Variants in IFFO1 observed in about 807,000 individuals in gnomAD.
IFFO1 encodes the protein non-homologous end joining factor IFFO1.
A neutral mutation model predicts 59.6 loss-of-function variants in IFFO1; 42 were observed. The observed-to-expected ratio is 0.70, with a 90% CI of 0.55 to 0.91. The LOEUF (loss-of-function observed/expected upper bound fraction) is 0.91, where lower values mean the gene tolerates loss of function less well. Ranked by LOEUF, IFFO1 falls within the 40% of genes least tolerant of loss-of-function variation. The pLI, the probability that IFFO1 is intolerant of heterozygous loss-of-function variation, is 0.00. For synonymous variants in IFFO1, 336 were observed against 342.8 expected, an observed-to-expected ratio of 0.98 and a Z score of 0.22; for missense variants, 711 against 793.2, an observed-to-expected ratio of 0.90 and a Z score of 1.24.
intron 8 of IFFO1, among the ~76,000 whole-genome samples, chr12:6,546,748 C>T (rs1030438707): frequency 1.3e-5 from 2 of 152,196 alleles, no homozygotes; most frequent in African/African-American, 4.8e-5. Flanking sequence ...CTCGGCCTCC[C>T]AAAGTGCTGG....
rs748133083 is a variant in IFFO1, at chr12:6,541,477, C to T, written c.1610+35G>A. The T allele has an allele frequency of 7.5e-6, 12 of 1,610,422 alleles. No individual in the cohort carries two copies. The highest frequency in any genetic ancestry group is 1.7e-5 in the Admixed American group (1 of 60,012). ...TCCAACCTTTCTCCCCGCTGTGTCCCCCTGGAAGGCCCCATGCCCAGGGGA... is the reference window on the plus strand; with the variant it reads ...TCCAACCTTTCTCCCCGCTGTGTCCTCCTGGAAGGCCCCATGCCCAGGGGA... On this transcript the variant is annotated intron_variant, in intron 9 of 9. Transcript: ENST00000619571. This position sits in a 1 kb window ranked among gnomAD's most constrained non-coding sequence, Gnocchi z 4.8.
rs567515403 is a variant in IFFO1 at position 6,541,457 on chromosome 12, C to A, written c.1610+55G>T. 46 of 1,603,512 alleles carry A rather than the reference C, an allele frequency of 2.9e-5. No homozygotes were observed. In the African/African-American group the frequency reaches 3.9e-4, roughly 13 times the overall value. On this transcript the variant is annotated intron_variant, in intron 9 of 9. Coordinates refer to ENST00000619571, the MANE Select transcript of IFFO1 (RefSeq NM_001193457.2). This position sits in a 1 kb window ranked among gnomAD's most constrained non-coding sequence, Gnocchi z 4.8. ...GAGGGTCTCTGGGGCTGTGTTCCAA[C>A]CTTTCTCCCCGCTGTGTCCCCCTGG...
Position 6,541,481 on chromosome 12 carries a change from G to A in IFFO1, c.1610+31C>T, listed in dbSNP as rs1946707268. ...ACCTTTCTCCCCGCTGTGTCCCCCT[G>A]GAAGGCCCCATGCCCAGGGGAGGCG... On this transcript the variant is annotated intron_variant, in intron 9 of 9. Coordinates refer to ENST00000619571, the MANE Select transcript of IFFO1 (RefSeq NM_001193457.2). This position sits in a 1 kb window ranked among gnomAD's most constrained non-coding sequence, Gnocchi z 4.8. 6.2e-7 allele frequency: 1 copy of A among 1,611,072 alleles called. No homozygotes were observed. Among genetic ancestry groups the A allele is most frequent in the Non-Finnish European group, 8.5e-7 (1 of 1,179,780 alleles).
chr12:6,555,207 TTG>T lies in IFFO1; in HGVS notation c.773+48_773+49del. The T allele has an allele frequency of 6.3e-7, 1 of 1,582,192 alleles. No individual in the cohort carries two copies. The highest frequency in any genetic ancestry group is 8.7e-7 in the Non-Finnish European group (1 of 1,151,932). ...GGAACCCACACCAACTCGCGGCCCG[TTG>T]TGAGTGGTATGACACAGAGAGACCT... On this transcript the variant is annotated intron_variant, in intron 1 of 9. Coordinates refer to ENST00000619571, the MANE Select transcript of IFFO1 (RefSeq NM_001193457.2). This position sits in a 1 kb window ranked among gnomAD's most constrained non-coding sequence, Gnocchi z 8.6.
intron 3 of IFFO1, 154 bp from the exon 4 acceptor site, chr12:6,550,050 G>T: frequency 1.2e-6 from 1 of 807,508 alleles, no homozygotes; most frequent in Non-Finnish European, 1.9e-6. Flanking sequence ...TTCCTGGGTA[G>T]CGGTGGCCTC....
In IFFO1 at chr12:6,549,265, G is replaced by C; in HGVS notation, c.1080+211C>G. 1.6e-6 allele frequency: 1 copy of C among 643,806 alleles called. No homozygotes were observed. The highest frequency in any genetic ancestry group is 2.8e-6 in the Non-Finnish European group (1 of 361,952). The allele number at this position is 643,806 out of a possible 1,614,324, so 39.9% of individuals were successfully genotyped here. ...CAAAAGAGAACCTGAATCACATCCA[G>C]ATCTGGAAAGCCGGGGGAGAAGGGA... On this transcript the variant is annotated intron_variant, in intron 5 of 9. Transcript: ENST00000619571. This position sits in a 1 kb window ranked among gnomAD's most constrained non-coding sequence, Gnocchi z 5.0.
chr12:6,551,332 G>A (rs767915523), intron 1 of IFFO1: 557 of 952,404 alleles, frequency 5.8e-4, no homozygotes, highest in Non-Finnish European at 7.6e-4. Context: ...CCAGCTGTCC[G>A]GCTGGCCTCA....
intron 3 of IFFO1, 90 bp downstream of exon 3, chr12:6,550,605 G>A (rs867022174): frequency 5.3e-5 from 48 of 904,554 alleles, no homozygotes; most frequent in African/African-American, 3.0e-4. Flanking sequence ...AGCCGTGGAC[G>A]GGAGGCCAAC....
rs1196782046 is a variant in IFFO1 at position 6,549,930 on chromosome 12, G to C, written c.931-34C>G. ...GGAGCCCAGGGAACAGTGAGGAGGC[G>C]CCCAGTTCTCCAGACAAGGACGAAT... On this transcript the variant is annotated intron_variant, in intron 3 of 9. Coordinates refer to ENST00000619571, the MANE Select transcript of IFFO1 (RefSeq NM_001193457.2). This position sits in a 1 kb window ranked among gnomAD's most constrained non-coding sequence, Gnocchi z 5.0. The C allele has an allele frequency of 2.5e-6, 4 of 1,598,682 alleles. No homozygotes were observed. The East Asian group carries it at 6.7e-5, about 27-fold the overall frequency.
Position 6,555,854 on chromosome 12 carries a change from G to A in IFFO1, c.176C>T (p.Ala59Val), listed in dbSNP as rs747942056. ...GCGGAGGGCCATGGCGGCAGGCGGG[G>A]CCGGGCCCGGCCCGGGCGGCGAGTA... ...AAYSPPGPGP[A>V]PPAAMALRND... The change falls in exon 1 of 10, where the codon GCC becomes GTC. Residue 59 changes from alanine to valine, a missense_variant. Ala to Val is a moderately conservative substitution (Grantham distance 64). Transcript: ENST00000619571. This position sits in a 1 kb window ranked among gnomAD's most constrained non-coding sequence, Gnocchi z 8.6. The A allele has an allele frequency of 1.2e-4, 191 of 1,607,940 alleles. No homozygotes were observed. Among genetic ancestry groups the A allele is most frequent in the Middle Eastern group, 1.8e-4 (1 of 5,552 alleles).
Position 6,540,289 on chromosome 12 carries a change from A to C in IFFO1, c.*194T>G. On this transcript the variant is annotated 3_prime_UTR_variant, in exon 10 of 10. Coordinates refer to ENST00000619571, the MANE Select transcript of IFFO1 (RefSeq NM_001193457.2). ...GAAATGGCCCCAGAATGGTAGGGCC[A>C]AGCCTAGCTCCAGACACCCCAGAGC... 1.7e-6 allele frequency: 1 copy of C among 600,678 alleles called. No homozygotes were observed. The highest frequency in any genetic ancestry group is 2.9e-5 in the Admixed American group (1 of 34,172). 37.2% of individuals were successfully genotyped at this position (600,678 alleles called of 1,614,324 possible). A position where few individuals can be genotyped will look rare whatever the true frequency, so the allele number is the denominator to read the frequency against.
Position 6,549,817 on chromosome 12 carries a change from G to A in IFFO1, c.1010C>T (p.Thr337Ile). Residue 337 changes from threonine (T) to isoleucine (I), a missense_variant, in exon 4 of 10, where the codon ACC (threonine) becomes ATC (isoleucine). Thr to Ile is a moderately conservative substitution (Grantham distance 89). This residue lies in a region of IFFO1 where 579 missense variants were observed against 650.3 expected (regional missense o/e 0.89). Coordinates refer to ENST00000619571, the MANE Select transcript of IFFO1 (RefSeq NM_001193457.2). This position sits in a 1 kb window ranked among gnomAD's most constrained non-coding sequence, Gnocchi z 5.0. ...CTGAGCCACATCGCAGAGCTTGGCG[G>A]TGATGTCGATGCGGCGGCAGATGTC... ...DMDICRRIDI[T>I]AKLCDVAQQR... The A allele has an allele frequency of 6.2e-7, 1 of 1,614,206 alleles. No individual in the cohort carries two copies.
chr12:6,549,759 G>C lies in IFFO1; in HGVS notation c.1068C>G (p.Phe356Leu). 6.2e-7 allele frequency: 1 copy of C among 1,612,734 alleles called. No homozygotes were observed. Among genetic ancestry groups the C allele is most frequent in the Middle Eastern group, 1.7e-4 (1 of 6,054 alleles). The stretch of plus-strand genomic sequence containing the variant: ...CAGAGGGCAGCTCCGTCCTCACCTG[G>C]AACATCTGGATCATGTCCTCGCAGT... ...QRNCEDMIQMFQKKLSLHLSP... is the reference protein window; with the variant it reads ...QRNCEDMIQMLQKKLSLHLSP... Residue 356 changes from phenylalanine to leucine, a missense_variant, in exon 4 of 10, where the codon TTC becomes TTG. Coordinates refer to ENST00000619571, the MANE Select transcript of IFFO1 (RefSeq NM_001193457.2). This position sits in a 1 kb window ranked among gnomAD's most constrained non-coding sequence, Gnocchi z 5.0.
Position 6,549,373 on chromosome 12 carries a change from C to T in IFFO1, c.1080+103G>A, listed in dbSNP as rs1947131575. On this transcript the variant is annotated intron_variant, in intron 5 of 9. Coordinates refer to ENST00000619571, the MANE Select transcript of IFFO1 (RefSeq NM_001193457.2). This position sits in a 1 kb window ranked among gnomAD's most constrained non-coding sequence, Gnocchi z 5.0. Reference sequence around the variant, plus strand: ...GAAAAGGGAAAGGGCAGAAAAAAATCCGTGCTCAAGAGCCCAGCGGGCCCA... The same window carrying T: ...GAAAAGGGAAAGGGCAGAAAAAAATTCGTGCTCAAGAGCCCAGCGGGCCCA... 8.8e-7 allele frequency: 1 copy of T among 1,137,480 alleles called. No homozygotes were observed. The highest frequency in any genetic ancestry group is 1.3e-5 in the South Asian group (1 of 76,714). The allele number at this position is 1,137,480 out of a possible 1,614,324, so 70.5% of individuals were successfully genotyped here.
Position 6,540,410 on chromosome 12 carries a change from CTG to C in IFFO1, c.*71_*72del, listed in dbSNP as rs1412346860. 8.2e-7 allele frequency: 1 copy of C among 1,215,468 alleles called. No individual in the cohort carries two copies. The highest frequency in any genetic ancestry group is 2.3e-5 in the East Asian group (1 of 43,006). The allele number at this position is 1,215,468 out of a possible 1,614,324, so 75.3% of individuals were successfully genotyped here. A position where few individuals can be genotyped will look rare whatever the true frequency, so the allele number is the denominator to read the frequency against. On this transcript the variant is annotated 3_prime_UTR_variant, in exon 10 of 10. Coordinates refer to ENST00000619571, the MANE Select transcript of IFFO1 (RefSeq NM_001193457.2). ...GCAGAGCTGCAGCTGATGTTCCCCTCTGTGCAGCCCCACCCTCTGCCTCGCTG... is the reference window on the plus strand; with the variant it reads ...GCAGAGCTGCAGCTGATGTTCCCCTCTGCAGCCCCACCCTCTGCCTCGCTG...
chr12:6,544,055 C>T (rs1285663270), intron 8 of IFFO1, among the ~76,000 whole-genome samples: 4 of 152,054 alleles, frequency 2.6e-5, no homozygotes, highest in Non-Finnish European at 5.9e-5. Context: ...TCCCCCGGGT[C>T]AGTGGAAAAA....
chr12:6,548,139 T>C lies in IFFO1; in HGVS notation c.1405A>G (p.Lys469Glu), dbSNP rs1402545938. 6.2e-7 allele frequency: 1 copy of C among 1,613,858 alleles called. No individual in the cohort carries two copies. Among genetic ancestry groups the C allele is most frequent in the East Asian group, 2.2e-5 (1 of 44,870 alleles). Reference protein sequence around the residue: ...QGEQQEDSLEKVIKDTESLFK... With the variant: ...QGEQQEDSLEEVIKDTESLFK... Reference sequence around the variant, plus strand: ...AGGGACTCCGTATCTTTAATCACCTTCTCCAGGCTATCTTCCTGCTGCTGG... The same window carrying C: ...AGGGACTCCGTATCTTTAATCACCTCCTCCAGGCTATCTTCCTGCTGCTGG... The change falls in exon 8 of 10, where the codon AAG becomes GAG. Residue 469 changes from lysine (K) to glutamate (E), a missense_variant. Coordinates refer to ENST00000619571, the MANE Select transcript of IFFO1 (RefSeq NM_001193457.2). This position sits in a 1 kb window ranked among gnomAD's most constrained non-coding sequence, Gnocchi z 6.1.
rs371035995 is a variant in IFFO1 at position 6,550,270 on chromosome 12, G to A, written c.931-374C>T. Reference sequence around the variant, plus strand: ...GAGTGGAGAAAGGACTATAATAATCGCAACAGCTAACACTCTTCCAGCTAA... The same window carrying A: ...GAGTGGAGAAAGGACTATAATAATCACAACAGCTAACACTCTTCCAGCTAA... On this transcript the variant is annotated intron_variant, in intron 3 of 9. Coordinates refer to ENST00000619571, the MANE Select transcript of IFFO1 (RefSeq NM_001193457.2). 95 of 321,528 alleles carry A rather than the reference G, an allele frequency of 3.0e-4. No individual in the cohort carries two copies. The South Asian group carries it at 5.2e-3, about 18-fold the overall frequency. 19.9% of individuals were successfully genotyped at this position (321,528 alleles called of 1,614,324 possible). A position where few individuals can be genotyped will look rare whatever the true frequency, so the allele number is the denominator to read the frequency against.
chr12:6,550,578 G>A, intron 3 of IFFO1, 117 bp downstream of exon 3: 1 of 700,880 alleles, frequency 1.4e-6, no homozygotes, highest in Non-Finnish European at 2.5e-6. Flanking sequence ...GGGAAGGAAA[G>A]CAAAGAGAAG....
Sources: gnomAD v4.1 joint callset for allele counts (sites outside exome capture counted in the v4.1 genomes callset) on GRCh38, gnomAD v4.1.1 for gene constraint, gnomAD v4.1.1 regional missense constraint, Gnocchi (gnomAD v3.1) non-coding constraint, MANE v1.5 for transcripts, NCBI Gene and HGNC (gene_info 2026-07-23, HGNC 2026-07-21) for gene names.